RGS17: variants seen among roughly 807,000 people sequenced by gnomAD.
RGS17 encodes regulator of G protein signaling 17, also known as regulator of G-protein signaling 17.
Under a neutral mutation model 25.5 loss-of-function variants are expected in RGS17, and 12 were observed. The observed-to-expected ratio is 0.47, with a 90% CI of 0.30 to 0.76. The LOEUF (loss-of-function observed/expected upper bound fraction) is 0.76, where lower values mean the gene tolerates loss of function less well. RGS17 is among the 30% of genes least tolerant of loss of function. RGS17 has a pLI of 0.07. For missense variants in RGS17, 196 were observed against 242.2 expected, an observed-to-expected ratio of 0.81 and a Z score of 1.27; for synonymous variants, 71 against 76.9, an observed-to-expected ratio of 0.92 and a Z score of 0.40.
At position 153,020,355 on chromosome 6, in the gene RGS17, A is replaced by G. The variant is rs544668871; in HGVS notation, c.444+3907T>C. ...TTTTTAGTAGAGATGGGGTTTCACT[A>G]TGTTGGCCAGGCTGGTCTCGAATGC... On this transcript the variant is annotated intron_variant, in intron 4 of 4. Coordinates refer to ENST00000206262, the MANE Select transcript of RGS17 (RefSeq NM_012419.5). Among the ~76,000 whole-genome samples, 395 of 150,400 alleles carry G rather than the reference A, an allele frequency of 2.6e-3. 2 individuals carry two copies. The highest frequency in any genetic ancestry group is 9.4e-3 in the African/African-American group (386 of 40,942).
chr6:153,064,458 G>A (rs1038148190), intron 1 of RGS17, among the ~76,000 whole-genome samples: 13 of 152,008 alleles, frequency 8.6e-5, no homozygotes, highest in South Asian at 6.2e-4. Flanking sequence ...GTGAAACCCC[G>A]TCTCTACTAA....
intron 1 of RGS17, among the ~76,000 whole-genome samples, chr6:153,091,939 C>T (rs1442891912): frequency 1.3e-5 from 2 of 152,188 alleles, no homozygotes; most frequent in African/African-American, 2.4e-5. Context: ...TGACCAGACA[C>T]ATCTTTAGAT....
At chr6:153,089,514 G>A (rs543971177) in intron 1 of RGS17, among the ~76,000 whole-genome samples, 1 of 152,186 alleles carries the variant, frequency 6.6e-6, no homozygotes, top group South Asian at 2.1e-4. Context: ...ACACATTAAG[G>A]AGACATGGTA....
intron 1 of RGS17, among the ~76,000 whole-genome samples, chr6:153,054,867 C>T (rs1335724219): frequency 6.6e-6 from 1 of 151,938 alleles, no homozygotes; most frequent in Non-Finnish European, 1.5e-5. Flanking sequence ...GTTCCCATAC[C>T]ATTTGGAACA....
intron 1 of RGS17, among the ~76,000 whole-genome samples, chr6:153,098,461 G>T (rs1383009398): frequency 1.3e-5 from 2 of 152,148 alleles, no homozygotes; most frequent in Non-Finnish European, 2.9e-5. Flanking sequence ...ATTCTAAAAT[G>T]TTATAAAATA....
chr6:153,076,667 G>T (rs930989444), intron 1 of RGS17, among the ~76,000 whole-genome samples: 2 of 152,140 alleles, frequency 1.3e-5, no homozygotes, highest in African/African-American at 4.8e-5. Flanking sequence ...AACAGAAACA[G>T]AAGTCAGTTT....
intron 1 of RGS17, among the ~76,000 whole-genome samples, chr6:153,056,718 T>C (rs4318889): frequency 0.38 from 58,314 of 151,922 alleles, 11,871 homozygotes; most frequent in East Asian, 0.62. Flanking sequence ...CCTATTTCTA[T>C]CAATTTGTAC....
chr6:153,050,705 A>G (rs943293548), intron 1 of RGS17, among the ~76,000 whole-genome samples: 10 of 152,226 alleles, frequency 6.6e-5, no homozygotes, highest in African/African-American at 2.2e-4. Context: ...GACAAATTCC[A>G]TTTTTATGTT....
At chr6:153,123,028 TCC>T (rs1777658868) in intron 1 of RGS17, among the ~76,000 whole-genome samples, 1 of 142,242 alleles carries the variant, frequency 7.0e-6, no homozygotes. Context: ...TATTTAATAC[TCC>T]AATGTACACT....
At chr6:153,072,452 C>T (rs961738966) in intron 1 of RGS17, among the ~76,000 whole-genome samples, 11 of 152,108 alleles carry the variant, frequency 7.2e-5, no homozygotes, top group East Asian at 1.9e-4. Flanking sequence ...ATACAACTCT[C>T]GTAACAAACC....
At chr6:153,084,914 G>A (rs1414351218) in intron 1 of RGS17, among the ~76,000 whole-genome samples, 1 of 152,038 alleles carries the variant, frequency 6.6e-6, no homozygotes, top group Non-Finnish European at 1.5e-5. Context: ...AAAATTGTAC[G>A]GATATTATTT....
At chr6:153,070,521 C>T (rs563711975) in intron 1 of RGS17, among the ~76,000 whole-genome samples, 23 of 151,596 alleles carry the variant, frequency 1.5e-4, no homozygotes, top group African/African-American at 5.1e-4. Flanking sequence ...TCTGATCCCT[C>T]AAAACCTGAG....
rs1348228201 is a variant in RGS17 at position 153,053,917 on chromosome 6, A to C, written c.-25-9874T>G. On this transcript the variant is annotated intron_variant, in intron 1 of 4. Transcript: ENST00000206262. ...TCACATACATACATACACACATTATATATATATGTATATATATGTATATAT... is the reference window on the plus strand; with the variant it reads ...TCACATACATACATACACACATTATCTATATATGTATATATATGTATATAT... 2.6e-4 allele frequency among the ~76,000 whole-genome samples: 17 copies of C among 66,548 alleles called. 1 individual carries two copies. Among genetic ancestry groups the C allele is most frequent in the African/African-American group, 1.6e-3 (17 of 10,864 alleles). 43.7% of individuals were successfully genotyped at this position (66,548 alleles called of 152,430 possible).
rs1364193085 is a variant in RGS17, at chr6:153,103,373, C to A, written c.-26+27751G>T. Among the ~76,000 whole-genome samples, 3 of 152,006 alleles carry A rather than the reference C, an allele frequency of 2.0e-5. No homozygotes were observed. In the East Asian group the frequency reaches 5.8e-4, roughly 29 times the overall value. On this transcript the variant is annotated intron_variant, in intron 1 of 4. Transcript: ENST00000206262. Reference sequence around the variant, plus strand: ...ACCACTGATACGATAGTTATATTTCCGTGACCTTCAGCAGAAGGCGGGGTG... The same window carrying A: ...ACCACTGATACGATAGTTATATTTCAGTGACCTTCAGCAGAAGGCGGGGTG...
chr6:153,078,933 A>G (rs1223132068), intron 1 of RGS17, among the ~76,000 whole-genome samples: 1 of 107,422 alleles, frequency 9.3e-6, no homozygotes, highest in Admixed American at 9.7e-5. Context: ...CTAGTAGTTA[A>G]GAAAAAAAAA....
intron 1 of RGS17, among the ~76,000 whole-genome samples, chr6:153,051,135 C>G (rs1037120128): frequency 6.6e-6 from 1 of 152,194 alleles, no homozygotes. Flanking sequence ...TATTGATAAG[C>G]CACCCTACAT....
intron 1 of RGS17, among the ~76,000 whole-genome samples, chr6:153,100,195 G>A (rs954552420): frequency 2.6e-5 from 4 of 152,148 alleles, no homozygotes; most frequent in Admixed American, 2.0e-4. Context: ...GGCAATTTAT[G>A]TAGTTAAAGA....
At chr6:153,019,250 C>A (rs1360022094) in intron 4 of RGS17, among the ~76,000 whole-genome samples, 1 of 152,208 alleles carries the variant, frequency 6.6e-6, no homozygotes, top group African/African-American at 2.4e-5. Context: ...CTGGTAACGA[C>A]AACGCCATCA....
chr6:153,099,512 GA>G (rs1283142321), intron 1 of RGS17, among the ~76,000 whole-genome samples: 1 of 151,838 alleles, frequency 6.6e-6, no homozygotes, highest in Non-Finnish European at 1.5e-5. Context: ...AATATATTCG[GA>G]AAAAAAATTG....
Sources: allele counts gnomAD v4.1 joint callset (sites outside exome capture counted in the v4.1 genomes callset), GRCh38; gene constraint gnomAD v4.1.1; transcripts MANE v1.5; gene names NCBI Gene and HGNC (gene_info 2026-07-23, HGNC 2026-07-21).